The following KIF17 variants were observed in gnomAD, a reference collection of about 807,000 sequenced individuals.
KIF17 encodes kinesin family member 17.
Under a neutral mutation model 96.8 loss-of-function variants are expected in KIF17, and 80 were observed. That is an observed-to-expected ratio of 0.83 (90% CI 0.69 to 1.00). The LOEUF (loss-of-function observed/expected upper bound fraction) is 1.00. Among genes scored for constraint, KIF17 ranks in the 50% least tolerant of loss-of-function variants. The pLI is 0.00. For synonymous variants in KIF17, 567 were observed against 587.5 expected (o/e 0.97, Z 0.51); for missense variants, 1,280 against 1,372.9 (o/e 0.93, Z 1.07).
chr1:20,664,661 G>A lies in KIF17; in HGVS notation c.3010C>T (p.Leu1004Phe). ...GTGAAAGGGATGTCGAGGGACTCGAGGCGGAAGGGCCGGGGCTGGGGCATT... is the reference window on the plus strand; with the variant it reads ...GTGAAAGGGATGTCGAGGGACTCGAAGCGGAAGGGCCGGGGCTGGGGCATT... ...PEMPQPRPFR[L>F]ESLDIPFTKA... The change falls in exon 15 of 15, where the codon CTC (leucine) becomes TTC (phenylalanine). Residue 1004 changes from leucine to phenylalanine, a missense_variant. By Grantham distance (22) the Leu-to-Phe change is conservative (BLOSUM62 0). Transcript: ENST00000400463. The A allele has an allele frequency of 1.9e-6, 3 of 1,613,880 alleles. No homozygotes were observed. The highest frequency in any genetic ancestry group is 2.5e-6 in the Non-Finnish European group (3 of 1,179,956).
rs1394488461 is a variant in KIF17, at chr1:20,700,344, T to A, written c.1124-1856A>T. 6.6e-6 allele frequency among the ~76,000 whole-genome samples: 1 copy of A among 152,200 alleles called. No individual in the cohort carries two copies. The highest frequency in any genetic ancestry group is 1.5e-5 in the Non-Finnish European group (1 of 68,036). ...CCTCGGCCTCCCAAAGTACTAGGAT[T>A]ACAGGCGTGAACCACTGCGCCCGGC... On this transcript the variant is annotated intron_variant, in intron 5 of 14. Coordinates refer to ENST00000400463, the MANE Select transcript of KIF17 (RefSeq NM_001122819.3). This position sits in a 1 kb window ranked among gnomAD's most constrained non-coding sequence, Gnocchi z 4.6.
chr1:20,685,182 G>A lies in KIF17; in HGVS notation c.2020-162C>T. On this transcript the variant is annotated intron_variant, in intron 9 of 14. Coordinates refer to ENST00000400463, the MANE Select transcript of KIF17 (RefSeq NM_001122819.3). The surrounding 1 kb of genome is among the most constrained non-coding windows in gnomAD (Gnocchi z 4.1). ...CAGTGACACAAAAACACGCCCTGTT[G>A]AGTTCTTACTGCCGCTATTCCCACT... 1 of 717,024 alleles carries A rather than the reference G, an allele frequency of 1.4e-6. No homozygotes were observed. Among genetic ancestry groups the A allele is most frequent in the South Asian group, 1.5e-5 (1 of 66,862 alleles). The allele number at this position is 717,024 out of a possible 1,614,324, so 44.4% of individuals were successfully genotyped here.
intron 10 of KIF17, 52 bp downstream of exon 10, chr1:20,684,757 C>A: frequency 6.6e-7 from 1 of 1,506,320 alleles, no homozygotes; most frequent in East Asian, 2.5e-5. Flanking sequence ...TGGAAGGCAG[C>A]CCCTTCCCAC....
At chr1:20,683,297 A>G (rs1299117119) in intron 10 of KIF17, among the ~76,000 whole-genome samples, 2 of 152,256 alleles carry the variant, frequency 1.3e-5, no homozygotes, top group African/African-American at 4.8e-5. Flanking sequence ...GACATGCACA[A>G]TACATTGTTA....
intron 10 of KIF17, among the ~76,000 whole-genome samples, 195 bp downstream of exon 10, chr1:20,684,614 G>A (rs1046420091): frequency 1.3e-5 from 2 of 152,204 alleles, no homozygotes; most frequent in Non-Finnish European, 2.9e-5. Flanking sequence ...GACAAGGGAT[G>A]CTGGTGGCAG....
intron 13 of KIF17, among the ~76,000 whole-genome samples, chr1:20,667,373 T>C (rs1305143583): frequency 6.6e-6 from 1 of 152,144 alleles, no homozygotes; most frequent in Non-Finnish European, 1.5e-5. Flanking sequence ...CATGGGACCG[T>C]CTAGTTGCAG....
At chr1:20,676,464 T>C (rs2053738429) in intron 11 of KIF17, among the ~76,000 whole-genome samples, 1 of 152,130 alleles carries the variant, frequency 6.6e-6, no homozygotes. Context: ...TAAAAATAAT[T>C]TGGAGAAAAA....
intron 6 of KIF17, among the ~76,000 whole-genome samples, chr1:20,695,649 C>T (rs773815255): frequency 2.8e-4 from 43 of 151,106 alleles, no homozygotes; most frequent in Non-Finnish European, 5.5e-4. Context: ...AGGTACAGGA[C>T]TCCCTCACCT....
Position 20,717,836 on chromosome 1 carries a change from C to CGGCGGGG in KIF17, c.-137_-131dup, listed in dbSNP as rs879700918. ...GGGCCTTGAGGCAGGGGCGGGGCCG[C>CGGCGGGG]GGCGGGGGGCGGGGACCCCTCGGGG... On this transcript the variant is annotated 5_prime_UTR_variant, in exon 1 of 15. Transcript: ENST00000400463. The CGGCGGGG allele has an allele frequency of 2.2e-3, 1,899 of 848,588 alleles. 103 individuals carry two copies. The Admixed American group carries it at 0.096, about 43-fold the overall frequency. The allele number at this position is 848,588 out of a possible 1,614,324, so 52.6% of individuals were successfully genotyped here.
Position 20,698,376 on chromosome 1 carries a change from C to T in KIF17, c.1233+3G>A. ...TCCATGTTCCCACCCGCTTGGGTCT[C>T]ACCTCCCGGATCAGCTGCTTCTCGG... On this transcript the variant is annotated splice_donor_region_variant and intron_variant, in intron 6 of 14. Transcript: ENST00000400463. The T allele has an allele frequency of 6.2e-7, 1 of 1,611,150 alleles. No individual in the cohort carries two copies. The highest frequency in any genetic ancestry group is 8.5e-7 in the Non-Finnish European group (1 of 1,177,578).
intron 14 of KIF17, among the ~76,000 whole-genome samples, chr1:20,665,787 A>G (rs1017430710): frequency 6.6e-6 from 1 of 152,224 alleles, no homozygotes; most frequent in Non-Finnish European, 1.5e-5. Context: ...GTGATGCTTA[A>G]TTCTTAAAAG....
chr1:20,707,011 G>A (rs1027172585), intron 4 of KIF17, among the ~76,000 whole-genome samples: 2 of 152,142 alleles, frequency 1.3e-5, no homozygotes, highest in African/African-American at 4.8e-5. Flanking sequence ...TGGGAGGGAT[G>A]CTTGAGCCCA....
intron 6 of KIF17, among the ~76,000 whole-genome samples, chr1:20,696,189 AC>A (rs1229393365): frequency 1.3e-5 from 2 of 151,954 alleles, no homozygotes; most frequent in East Asian, 3.9e-4. Flanking sequence ...GGGGACCGGA[AC>A]CCGGCTCCTG....
chr1:20,663,081 G>A (rs1361496476), downstream of KIF17, among the ~76,000 whole-genome samples: 1 of 152,022 alleles, frequency 6.6e-6, no homozygotes, highest in African/African-American at 2.4e-5. Flanking sequence ...AAATTTAGCC[G>A]GGCGTGGTGG....
At chr1:20,686,169 G>A (rs2053935607) in intron 8 of KIF17, 43 bp from the exon 9 acceptor site, 1 of 1,508,726 alleles carries the variant, frequency 6.6e-7, no homozygotes. Flanking sequence ...GGCTGATTTG[G>A]GCCAGAACCA....
chr1:20,687,289 AG>A lies in KIF17; in HGVS notation c.1938+98del, dbSNP rs1236008222. On this transcript the variant is annotated intron_variant, in intron 8 of 14. Transcript: ENST00000400463. This position sits in a 1 kb window ranked among gnomAD's most constrained non-coding sequence, Gnocchi z 4.4. ...AGTGGAGCCACGGCCTGAGTGTCGG[AG>A]GCCATGTGTGTGAACAGTGTGTGCA... 1.5e-6 allele frequency: 2 copies of A among 1,340,650 alleles called. No homozygotes were observed. Among genetic ancestry groups the A allele is most frequent in the Non-Finnish European group, 2.1e-6 (2 of 937,066 alleles). 83.0% of individuals were successfully genotyped at this position (1,340,650 alleles called of 1,614,324 possible).
intron 13 of KIF17, 65 bp downstream of exon 13, chr1:20,670,356 C>CCA (rs2053618281): frequency 6.8e-7 from 1 of 1,462,850 alleles, no homozygotes; most frequent in Non-Finnish European, 9.5e-7. Flanking sequence ...TAACACTGAC[C>CCA]CACAGCACTG....
In KIF17 at chr1:20,689,304, G is replaced by A. The variant is rs185787838; in HGVS notation, c.1381+884C>T. Among the ~76,000 whole-genome samples the A allele has an allele frequency of 1.1e-3, 165 of 152,314 alleles. 1 individual carries two copies. Among genetic ancestry groups the A allele is most frequent in the African/African-American group, 3.8e-3 (158 of 41,556 alleles). ...GGAAGTCTGGACCTCCAGGCAGCATGCGTGTTTGACTGACACTGGTATGGC... is the reference window on the plus strand; with the variant it reads ...GGAAGTCTGGACCTCCAGGCAGCATACGTGTTTGACTGACACTGGTATGGC... On this transcript the variant is annotated intron_variant, in intron 7 of 14. Coordinates refer to ENST00000400463, the MANE Select transcript of KIF17 (RefSeq NM_001122819.3).
chr1:20,684,664 T>C (rs1272920847), intron 10 of KIF17, 145 bp downstream of exon 10: 6 of 780,686 alleles, frequency 7.7e-6, no homozygotes, highest in African/African-American at 6.8e-5. Flanking sequence ...TAGTCCCCAC[T>C]GCGCCTGGAG....
Sources: gnomAD v4.1 joint callset for allele counts (sites outside exome capture counted in the v4.1 genomes callset) on GRCh38, gnomAD v4.1.1 for gene constraint, Gnocchi (gnomAD v3.1) non-coding constraint, MANE v1.5 for transcripts, NCBI Gene and HGNC (gene_info 2026-07-23, HGNC 2026-07-21) for gene names.